GRM5: variants seen among roughly 807,000 people sequenced by gnomAD.
GRM5 encodes glutamate metabotropic receptor 5, also known as metabotropic glutamate receptor 5.
A neutral mutation model predicts 83.1 loss-of-function variants in GRM5; 19 were observed. That is an observed-to-expected ratio of 0.23 (90% CI 0.16 to 0.34). GRM5 has a LOEUF of 0.34. Ranked by LOEUF, GRM5 falls within the 10% of genes least tolerant of loss-of-function variation. The pLI, the probability that GRM5 is intolerant of heterozygous loss-of-function variation, is 1.00. For synonymous variants in GRM5, 675 were observed against 633.6 expected (o/e 1.07, Z -0.98); for missense variants, 1,160 against 1,588.3 (o/e 0.73, Z 4.58).
intron 3 of GRM5, among the ~76,000 whole-genome samples, chr11:88,789,323 GGCCAAGT>G (rs934271940): frequency 2.0e-5 from 3 of 151,530 alleles, no homozygotes; most frequent in Non-Finnish European, 4.4e-5. Flanking sequence ...AAGGTCTGGA[GGCCAAGT>G]TCCATTTAAA....
rs144183977 is a variant in GRM5 at position 88,877,843 on chromosome 11, CAGAA to C, written c.662-27692_662-27689del. On this transcript the variant is annotated intron_variant, in intron 2 of 9. Transcript: ENST00000305447. ...ACTCTGTGGAAGAAAAAAAAAAAAGCAGAAAGAAAGAAAGAAAGAAGTAAAGAGG... is the reference window on the plus strand; with the variant it reads ...ACTCTGTGGAAGAAAAAAAAAAAAGCAGAAAGAAAGAAAGAAGTAAAGAGG... Among the ~76,000 whole-genome samples, 146 of 131,526 alleles carry C rather than the reference CAGAA, an allele frequency of 1.1e-3. 1 individual carries two copies. The highest frequency in any genetic ancestry group is 1.8e-3 in the South Asian group (8 of 4,408). 86.3% of individuals were successfully genotyped at this position (131,526 alleles called of 152,430 possible). A position where few individuals can be genotyped will look rare whatever the true frequency, so the allele number is the denominator to read the frequency against.
chr11:88,749,834 G>C (rs1421598473), intron 3 of GRM5, among the ~76,000 whole-genome samples: 2 of 152,064 alleles, frequency 1.3e-5, no homozygotes, highest in East Asian at 1.9e-4. Context: ...TTCATATCTG[G>C]ACAAACTAAA....
intron 3 of GRM5, among the ~76,000 whole-genome samples, chr11:88,662,468 A>G (rs1397934256): frequency 1.3e-5 from 2 of 152,124 alleles, no homozygotes; most frequent in Non-Finnish European, 2.9e-5. Context: ...GGCATCCAAG[A>G]TCTCTGATCT....
At chr11:88,627,351 G>A (rs1656528368) in intron 4 of GRM5, among the ~76,000 whole-genome samples, 1 of 82,778 alleles carries the variant, frequency 1.2e-5, no homozygotes, top group Admixed American at 1.2e-4. Context: ...TGAGATACAT[G>A]AGTTTACCCT....
At chr11:89,055,066 T>G in intron 1 of GRM5, among the ~76,000 whole-genome samples, 1 of 152,216 alleles carries the variant, frequency 6.6e-6, no homozygotes, top group Non-Finnish European at 1.5e-5. Context: ...TGGGAGCCTA[T>G]TAGTCAAGTT....
intron 3 of GRM5, among the ~76,000 whole-genome samples, chr11:88,689,347 C>T (rs1379880650): frequency 1.3e-5 from 2 of 152,132 alleles, no homozygotes; most frequent in African/African-American, 4.8e-5. Context: ...AACAATATGA[C>T]CTTATAGAAA....
chr11:88,665,159 ATTT>A, intron 3 of GRM5, among the ~76,000 whole-genome samples: 1 of 134,136 alleles, frequency 7.5e-6, no homozygotes, highest in Non-Finnish European at 1.5e-5. Context: ...AATTTAATTT[ATTT>A]ACACACACAC....
chr11:88,710,634 G>A (rs1284767140), intron 3 of GRM5, among the ~76,000 whole-genome samples: 1 of 152,008 alleles, frequency 6.6e-6, no homozygotes, highest in East Asian at 1.9e-4. Flanking sequence ...TTTGAAGAAG[G>A]CAGTCTCTGG....
intron 3 of GRM5, among the ~76,000 whole-genome samples, chr11:88,786,408 C>T (rs1011347517): frequency 6.6e-6 from 1 of 152,126 alleles, no homozygotes; most frequent in African/African-American, 2.4e-5. Flanking sequence ...AATTAGCTAA[C>T]ATCACAAATC....
chr11:88,673,918 G>C (rs1449039813), intron 3 of GRM5, among the ~76,000 whole-genome samples: 1 of 151,150 alleles, frequency 6.6e-6, no homozygotes, highest in African/African-American at 2.4e-5. Flanking sequence ...ACATACTCTA[G>C]AGTATAATTA....
chr11:88,733,802 G>C (rs1358041612), intron 3 of GRM5, among the ~76,000 whole-genome samples: 1 of 151,924 alleles, frequency 6.6e-6, no homozygotes, highest in Non-Finnish European at 1.5e-5. Context: ...CTAGGGGAGT[G>C]CAAGGACATT....
chr11:88,866,210 A>ATAC (rs1944662180), intron 2 of GRM5, among the ~76,000 whole-genome samples: 1 of 152,118 alleles, frequency 6.6e-6, no homozygotes, highest in South Asian at 2.1e-4. Flanking sequence ...ATACCATGGA[A>ATAC]TACTATGCAG....
intron 2 of GRM5, among the ~76,000 whole-genome samples, chr11:88,894,536 A>G (rs527701487): frequency 1.3e-5 from 2 of 151,958 alleles, no homozygotes; most frequent in South Asian, 2.1e-4. Flanking sequence ...CACCACTGCA[A>G]TTTTCTAACC....
At chr11:88,707,719 T>C (rs1941194490) in intron 3 of GRM5, among the ~76,000 whole-genome samples, 1 of 152,102 alleles carries the variant, frequency 6.6e-6, no homozygotes, top group Non-Finnish European at 1.5e-5. Flanking sequence ...TAATGAAAAG[T>C]GTTACTTTCC....
intron 3 of GRM5, among the ~76,000 whole-genome samples, chr11:88,848,306 T>C (rs541272601): frequency 1.3e-5 from 2 of 152,316 alleles, no homozygotes; most frequent in Admixed American, 6.5e-5. Flanking sequence ...CATACCAAAA[T>C]AGCCCCATCA....
intron 2 of GRM5, among the ~76,000 whole-genome samples, chr11:88,879,361 A>T (rs1590933401): frequency 6.6e-6 from 1 of 151,942 alleles, no homozygotes; most frequent in East Asian, 1.9e-4. Flanking sequence ...AAACAATTCA[A>T]TTTTTTACAT....
intron 3 of GRM5, among the ~76,000 whole-genome samples, chr11:88,659,318 G>A (rs376549859): frequency 1.3e-5 from 2 of 152,080 alleles, no homozygotes; most frequent in Non-Finnish European, 2.9e-5. Context: ...ATCTTTATAC[G>A]ATCTCTCACA....
chr11:88,969,474 A>G (rs1415190712), intron 2 of GRM5, among the ~76,000 whole-genome samples: 8 of 152,230 alleles, frequency 5.3e-5, no homozygotes, highest in Non-Finnish European at 1.2e-4. Context: ...TGATTTCTTT[A>G]CTGAAACCAA....
chr11:88,505,370 G>A lies in GRM5; in HGVS notation c.*3222C>T, dbSNP rs1173312971. 6.6e-6 allele frequency: 1 copy of A among 152,216 alleles called. No homozygotes were observed. Among genetic ancestry groups the A allele is most frequent in the African/African-American group, 2.4e-5 (1 of 41,454 alleles). 9.4% of individuals were successfully genotyped at this position (152,216 alleles called of 1,614,324 possible). On this transcript the variant is annotated 3_prime_UTR_variant, in exon 10 of 10. Coordinates refer to ENST00000305447, the MANE Select transcript of GRM5 (RefSeq NM_001143831.3). ...AAAAAGAGCATTTAATTCCTGGCTTGGAAGTCACAGAACTGCAGCAGAGCT... is the reference window on the plus strand; with the variant it reads ...AAAAAGAGCATTTAATTCCTGGCTTAGAAGTCACAGAACTGCAGCAGAGCT...
Sources: gnomAD v4.1 joint callset for allele counts (sites outside exome capture counted in the v4.1 genomes callset) on GRCh38, gnomAD v4.1.1 for gene constraint, MANE v1.5 for transcripts, NCBI Gene and HGNC (gene_info 2026-07-23, HGNC 2026-07-21) for gene names.